The following ATP7A variants were observed in gnomAD, a reference collection of about 807,000 sequenced individuals.
ATP7A encodes the protein ATPase copper transporting alpha, also known as copper-transporting ATPase 1.
A neutral mutation model predicts 83.5 loss-of-function variants in ATP7A; 7 were observed. The observed-to-expected ratio is 0.08, with a 90% confidence interval of 0.05 to 0.16. The LOEUF (loss-of-function observed/expected upper bound fraction) is 0.16. Among genes scored for constraint, ATP7A ranks in the 10% least tolerant of loss-of-function variants. ATP7A has a pLI of 1.00. For missense variants in ATP7A, 940 were observed against 1,120.8 expected (o/e 0.84, Z 2.30); for synonymous variants, 354 against 395.2 (o/e 0.90, Z 1.24).
intron 1 of ATP7A, among the ~76,000 whole-genome samples, chrX:77,920,052 G>A (rs1320886295): frequency 9.0e-6 from 1 of 110,871 alleles, no homozygotes; most frequent in African/African-American, 3.3e-5. Context: ...TACATTTGCA[G>A]GTTTGTTACC....
chrX:77,997,992 A>AC (rs782075976), intron 4 of ATP7A, among the ~76,000 whole-genome samples: 1 of 108,484 alleles, frequency 9.2e-6, no homozygotes, highest in Non-Finnish European at 1.9e-5. Flanking sequence ...TTGGTATGTA[A>AC]CCCCCCCGCC....
At chrX:78,031,376 C>A in intron 15 of ATP7A, 24 bp from the exon 16 acceptor site, 2 of 1,187,296 alleles carry the variant, frequency 1.7e-6, no homozygotes, top group Non-Finnish European at 1.1e-6. Flanking sequence ...ATCATCAAGT[C>A]ATTGTATCTT....
At chrX:78,038,722 C>T in intron 17 of ATP7A, 114 bp from the exon 18 acceptor site, 1 of 857,995 alleles carries the variant, frequency 1.2e-6, no homozygotes, top group South Asian at 2.3e-5. Context: ...AGGCTATGTT[C>T]TAGGAGCAAT....
intron 19 of ATP7A, among the ~76,000 whole-genome samples, chrX:78,042,116 CAAA>C (rs1156427861): frequency 7.7e-5 from 4 of 51,927 alleles, no homozygotes; most frequent in Admixed American, 2.5e-4. Context: ...GACTCTGTCT[CAAA>C]AAAAAAAAAA....
chrX:77,990,071 C>A, intron 4 of ATP7A, 113 bp downstream of exon 4: 2 of 978,802 alleles, frequency 2.0e-6, no homozygotes, highest in South Asian at 2.2e-5. Flanking sequence ...TCCACTTTTG[C>A]AAATATGTCC....
Position 78,046,409 on chromosome X carries a change from C to A in ATP7A, c.4342C>A (p.Pro1448Thr). Residue 1448 changes from proline to threonine, a missense_variant, in exon 23 of 23, where the codon CCT becomes ACT. Pro to Thr is a conservative substitution (Grantham distance 38, BLOSUM62 -1). Coordinates refer to ENST00000341514, the MANE Select transcript of ATP7A (RefSeq NM_000052.7). ...VGIDDTSRNS[P>T]KLGLLDRIVN... is the part of the protein sequence containing the mutation. The stretch of plus-strand genomic sequence containing the variant: ...AATAGATGATACCTCAAGGAATTCT[C>A]CTAAACTGGGTTTGCTGGACCGGAT... 1 of 1,211,553 alleles carries A rather than the reference C, an allele frequency of 8.3e-7. No homozygotes were observed. Among genetic ancestry groups the A allele is most frequent in the Non-Finnish European group, 1.1e-6 (1 of 895,414 alleles).
chrX:77,954,184 G>C (rs1283232866), intron 1 of ATP7A, among the ~76,000 whole-genome samples: 3 of 111,382 alleles, frequency 2.7e-5, no homozygotes, highest in African/African-American at 9.8e-5. Context: ...CTGTCACCCA[G>C]GCTGGGGTGC....
Position 78,003,159 on chromosome X carries a change from G to C in ATP7A, c.1630G>C (p.Glu544Gln), listed in dbSNP as rs782491733. 1.7e-6 allele frequency: 2 copies of C among 1,206,950 alleles called. No individual in the cohort carries two copies. Among genetic ancestry groups the C allele is most frequent in the Non-Finnish European group, 2.2e-6 (2 of 892,741 alleles). Residue 544 changes from glutamate to glutamine, a missense_variant, in exon 6 of 23, where the codon GAG becomes CAG. By Grantham distance (29) the Glu-to-Gln change is conservative (BLOSUM62 2). Around this residue, in one of 3 missense-constraint regions of ATP7A, gnomAD observed 350 missense variants for 432.8 expected, o/e 0.81. Coordinates refer to ENST00000341514, the MANE Select transcript of ATP7A (RefSeq NM_000052.7). ...PAVIQPPMIA[E>Q]FIRELGFGAT... is the part of the protein sequence containing the mutation. Reference sequence around the variant, plus strand: ...TGTTATACAACCCCCAATGATAGCAGAGTTCATCCGAGAACTTGGATTTGG... The same window carrying C: ...TGTTATACAACCCCCAATGATAGCACAGTTCATCCGAGAACTTGGATTTGG...
In ATP7A at chrX:78,003,364, A is replaced by G. The variant is rs1603383851; in HGVS notation, c.1707+128A>G. 2.0e-5 allele frequency: 13 copies of G among 664,399 alleles called. No individual in the cohort carries two copies. The South Asian group carries it at 3.1e-4, about 16-fold the overall frequency. The allele number at this position is 664,399 out of a possible 1,213,427, so 54.8% of individuals were successfully genotyped here. A position where few individuals can be genotyped will look rare whatever the true frequency, so the allele number is the denominator to read the frequency against. On this transcript the variant is annotated intron_variant, in intron 6 of 22. Coordinates refer to ENST00000341514, the MANE Select transcript of ATP7A (RefSeq NM_000052.7). The stretch of plus-strand genomic sequence containing the variant: ...GAAAATTAAGGAAACTGGAAAATGG[A>G]AGGATAAGGTATGATCTAATGGTAC...
chrX:78,043,433 T>C lies in ATP7A; in HGVS notation c.4122T>C (p.Ala1374=). 1 of 1,176,969 alleles carries C rather than the reference T, an allele frequency of 8.5e-7. No homozygotes were observed. Among genetic ancestry groups the C allele is most frequent in the Non-Finnish European group, 1.2e-6 (1 of 864,075 alleles). Reference sequence around the variant, plus strand: ...ATCTGGTTGGAATTCCCATAGCTGCTGGTATGTGACTCTTAACTAGTACTG... The same window carrying C: ...ATCTGGTTGGAATTCCCATAGCTGCCGGTATGTGACTCTTAACTAGTACTG... ...IYNLVGIPIA[A]GVFMPIGLVL... Residue 1374 remains alanine, a splice_region_variant and synonymous_variant, in exon 21 of 23, where the codon GCT becomes GCC. Coordinates refer to ENST00000341514, the MANE Select transcript of ATP7A (RefSeq NM_000052.7).
chrX:78,009,475 C>G, intron 7 of ATP7A: 1 of 431,401 alleles, frequency 2.3e-6, no homozygotes, highest in Middle Eastern at 5.6e-4. Context: ...TACATTTACA[C>G]TATTAATCAG....
At chrX:78,016,966 G>T (rs1205731680) in intron 12 of ATP7A, among the ~76,000 whole-genome samples, 1 of 112,506 alleles carries the variant, frequency 8.9e-6, no homozygotes, top group Non-Finnish European at 1.9e-5. Context: ...GCTCCACTAG[G>T]CAGTGCCCCA....
intron 1 of ATP7A, among the ~76,000 whole-genome samples, chrX:77,967,038 T>C (rs1470480203): frequency 9.0e-6 from 1 of 111,354 alleles, no homozygotes; most frequent in Non-Finnish European, 1.9e-5. Flanking sequence ...CTGCTGAGGA[T>C]GATGGTTTCC....
At chrX:77,932,723 C>G (rs1557224661) in intron 1 of ATP7A, among the ~76,000 whole-genome samples, 1 of 112,782 alleles carries the variant, frequency 8.9e-6, no homozygotes, top group Non-Finnish European at 1.9e-5. Context: ...GCCAACACAG[C>G]GAAACCCCGT....
intron 5 of ATP7A, among the ~76,000 whole-genome samples, chrX:78,000,934 G>A (rs993753607): frequency 6.3e-5 from 7 of 111,498 alleles, no homozygotes; most frequent in Non-Finnish European, 1.3e-4. Context: ...CAAAGTGCTA[G>A]GATTACAGGC....
At chrX:77,918,798 A>G (rs2077196932) in intron 1 of ATP7A, among the ~76,000 whole-genome samples, 2 of 111,207 alleles carry the variant, frequency 1.8e-5, no homozygotes, top group South Asian at 7.6e-4. Flanking sequence ...GGAATTACAC[A>G]ATGTGGCAGC....
At chrX:77,977,338 T>C (rs1018496700) in intron 2 of ATP7A, among the ~76,000 whole-genome samples, 6 of 112,013 alleles carry the variant, frequency 5.4e-5, no homozygotes, top group Admixed American at 2.9e-4. Flanking sequence ...AATTATATAG[T>C]AGTGTCTGTG....
At chrX:77,968,582 C>T (rs1465385036) in intron 1 of ATP7A, among the ~76,000 whole-genome samples, 1 of 112,136 alleles carries the variant, frequency 8.9e-6, no homozygotes, top group Non-Finnish European at 1.9e-5. Context: ...AAACAAAGCA[C>T]TCACAAAAAC....
chrX:77,976,106 A>G (rs1256414747), intron 2 of ATP7A, among the ~76,000 whole-genome samples: 7 of 112,061 alleles, frequency 6.2e-5, no homozygotes, highest in African/African-American at 2.3e-4. Flanking sequence ...ATTTTTTGAC[A>G]TACTACCAGG....
Sources: allele counts gnomAD v4.1 joint callset (sites outside exome capture counted in the v4.1 genomes callset), GRCh38; gene constraint gnomAD v4.1.1; regional missense constraint gnomAD v4.1.1; transcripts MANE v1.5; gene names NCBI Gene and HGNC (gene_info 2026-07-23, HGNC 2026-07-21).